The following DOCK3 variants were observed in gnomAD, a reference collection of about 807,000 sequenced individuals.
The protein encoded by DOCK3 is dedicator of cytokinesis protein 3.
Under a neutral mutation model 265.6 loss-of-function variants are expected in DOCK3, and 60 were observed. That is an observed-to-expected ratio of 0.23 (90% CI 0.18 to 0.28). DOCK3 has a LOEUF of 0.28. Ranked by LOEUF, DOCK3 falls within the 10% of genes least tolerant of loss-of-function variation. DOCK3 has a pLI of 1.00. For missense variants in DOCK3, 1,981 were observed against 2,594.3 expected (o/e 0.76, Z 5.14); for synonymous variants, 881 against 938.0 (o/e 0.94, Z 1.11).
At chr3:51,186,678 C>G (rs916473230) in intron 12 of DOCK3, among the ~76,000 whole-genome samples, 1 of 152,178 alleles carries the variant, frequency 6.6e-6, no homozygotes, top group African/African-American at 2.4e-5. Flanking sequence ...TGTGTGCAGC[C>G]TAGGGCACCT....
intron 27 of DOCK3, among the ~76,000 whole-genome samples, chr3:51,283,513 C>T (rs1048014543): frequency 1.3e-5 from 2 of 152,168 alleles, no homozygotes; most frequent in African/African-American, 4.8e-5. Context: ...AAAAATGCAG[C>T]TCCATGTGTC....
intron 12 of DOCK3, among the ~76,000 whole-genome samples, chr3:51,205,209 AAAAG>A (rs1370766274): frequency 2.0e-5 from 3 of 151,982 alleles, no homozygotes; most frequent in Non-Finnish European, 2.9e-5. Flanking sequence ...AAAAAAAAGA[AAAAG>A]AAGGTCCACA....
chr3:51,245,382 T>C (rs1332135645), intron 21 of DOCK3, among the ~76,000 whole-genome samples: 1 of 131,050 alleles, frequency 7.6e-6, no homozygotes, highest in East Asian at 2.2e-4. Context: ...GAAATCACCA[T>C]TTTCTTTCTT....
At chr3:50,794,149 C>T (rs1028652862) in intron 2 of DOCK3, among the ~76,000 whole-genome samples, 2 of 151,948 alleles carry the variant, frequency 1.3e-5, no homozygotes, top group Non-Finnish European at 2.9e-5. Context: ...GTTTTGTGTC[C>T]GAGTATGTGG....
intron 38 of DOCK3, among the ~76,000 whole-genome samples, chr3:51,346,444 C>T (rs965596720): frequency 6.6e-6 from 1 of 152,166 alleles, no homozygotes; most frequent in African/African-American, 2.4e-5. Flanking sequence ...CCAGCTTCAT[C>T]CATGTCCCTA....
At chr3:51,247,146 A>G (rs1481739452) in intron 22 of DOCK3, among the ~76,000 whole-genome samples, 1 of 152,226 alleles carries the variant, frequency 6.6e-6, no homozygotes, top group African/African-American at 2.4e-5. Flanking sequence ...CGTTGATTGA[A>G]TTAGGATCCT....
chr3:51,044,641 T>C (rs1231636861), intron 5 of DOCK3, among the ~76,000 whole-genome samples: 1 of 152,130 alleles, frequency 6.6e-6, no homozygotes, highest in East Asian at 1.9e-4. Context: ...CCGTTTTGTC[T>C]TTTCCAGTAG....
chr3:51,186,166 A>G lies in DOCK3; in HGVS notation c.1038-22608A>G, dbSNP rs759186908. ...CTGTGCTCAAAATGCTGATAGTGAT[A>G]TGGACAATAAGGTCCAGGCTGAGTT... On this transcript the variant is annotated intron_variant, in intron 12 of 52. Coordinates refer to ENST00000266037, the MANE Select transcript of DOCK3 (RefSeq NM_004947.5). Among the ~76,000 whole-genome samples, 57 of 152,318 alleles carry G rather than the reference A, an allele frequency of 3.7e-4. 1 individual carries two copies. The highest frequency in any genetic ancestry group is 3.4e-3 in the Middle Eastern group (1 of 294).
chr3:51,239,572 TTGTTTTTTG>T (rs1198441689), intron 21 of DOCK3, among the ~76,000 whole-genome samples: 34 of 125,510 alleles, frequency 2.7e-4, no homozygotes, highest in South Asian at 1.2e-3. Context: ...TTTTGTTTGT[TTGTTTTTTG>T]TTTTTTTTGT....
At chr3:50,973,970 A>G (rs1338768004) in intron 5 of DOCK3, among the ~76,000 whole-genome samples, 1 of 145,968 alleles carries the variant, frequency 6.9e-6, no homozygotes, top group Non-Finnish European at 1.5e-5. Context: ...TCCTTTGCCC[A>G]CTTTTTGATG....
intron 13 of DOCK3, among the ~76,000 whole-genome samples, chr3:51,209,590 A>G (rs1423067225): frequency 6.6e-6 from 1 of 152,178 alleles, no homozygotes; most frequent in African/African-American, 2.4e-5. Flanking sequence ...TTTACCTCTA[A>G]ATCATTTTAT....
At chr3:51,236,207 T>C (rs1469697228) in intron 19 of DOCK3, 138 bp from the exon 20 acceptor site, 2 of 701,504 alleles carry the variant, frequency 2.9e-6, no homozygotes, top group Non-Finnish European at 5.0e-6. Flanking sequence ...AGGGTACTAG[T>C]ACGATGATTT....
intron 37 of DOCK3, among the ~76,000 whole-genome samples, chr3:51,339,940 A>G (rs1163346481): frequency 3.3e-5 from 5 of 152,226 alleles, no homozygotes; most frequent in African/African-American, 1.2e-4. Flanking sequence ...AGTGTTTGGC[A>G]TAGATGGTAT....
chr3:50,918,900 C>T (rs1042891990), intron 4 of DOCK3, among the ~76,000 whole-genome samples: 1 of 152,170 alleles, frequency 6.6e-6, no homozygotes, highest in Non-Finnish European at 1.5e-5. Context: ...TTAGGTCTAA[C>T]ATTTAAGTCT....
chr3:50,841,821 A>G, intron 3 of DOCK3, 106 bp downstream of exon 3: 1 of 258,112 alleles, frequency 3.9e-6, no homozygotes, highest in South Asian at 1.1e-4. Context: ...CTTTTACAGT[A>G]GCCACAATGA....
intron 1 of DOCK3, among the ~76,000 whole-genome samples, chr3:50,722,944 GTACTTGTTTTA>G (rs773899279): frequency 6.6e-5 from 10 of 151,728 alleles, no homozygotes; most frequent in Non-Finnish European, 1.0e-4. Context: ...GCTAATTTTT[GTACTTGTTTTA>G]TAGAGACAGG....
intron 5 of DOCK3, among the ~76,000 whole-genome samples, chr3:51,014,105 G>A (rs981721488): frequency 4.6e-5 from 7 of 152,088 alleles, no homozygotes; most frequent in African/African-American, 1.4e-4. Flanking sequence ...GGAATCCCCC[G>A]ACCCCTTGAG....
At chr3:51,085,387 T>C (rs1360926214) in intron 7 of DOCK3, among the ~76,000 whole-genome samples, 1 of 152,142 alleles carries the variant, frequency 6.6e-6, no homozygotes, top group Non-Finnish European at 1.5e-5. Context: ...CATCAGCACA[T>C]GGAACATACT....
intron 9 of DOCK3, among the ~76,000 whole-genome samples, chr3:51,090,847 C>T (rs1233227063): frequency 6.6e-6 from 1 of 152,130 alleles, no homozygotes; most frequent in Admixed American, 6.5e-5. Flanking sequence ...TTCTGAGTTT[C>T]TTTTATATTG....
Sources: gnomAD v4.1 joint callset for allele counts (sites outside exome capture counted in the v4.1 genomes callset) on GRCh38, gnomAD v4.1.1 for gene constraint, MANE v1.5 for transcripts, NCBI Gene and HGNC (gene_info 2026-07-23, HGNC 2026-07-21) for gene names.